The following GRM8 variants were observed in gnomAD, a reference collection of about 807,000 sequenced individuals.
GRM8 encodes the protein glutamate metabotropic receptor 8, also known as metabotropic glutamate receptor 8.
Under a neutral mutation model 87.2 loss-of-function variants are expected in GRM8, and 47 were observed. That is an observed-to-expected ratio of 0.54 (90% CI 0.43 to 0.69). The LOEUF is 0.69. Ranked by LOEUF, GRM8 falls within the 30% of genes least tolerant of loss-of-function variation. GRM8 has a pLI of 0.00. For missense variants in GRM8, 1,019 were observed against 1,139.2 expected (o/e 0.89, Z 1.52); for synonymous variants, 396 against 404.5 (o/e 0.98, Z 0.25).
In GRM8 at chr7:126,639,492, T is replaced by C. The variant is rs1802171300; in HGVS notation, c.1358-29994A>G. Among the ~76,000 whole-genome samples the C allele has an allele frequency of 2.6e-5, 4 of 152,120 alleles. 1 individual carries two copies. In the South Asian group the frequency reaches 8.3e-4, roughly 32 times the overall value. On this transcript the variant is annotated intron_variant, in intron 7 of 10. Coordinates refer to ENST00000339582, the MANE Select transcript of GRM8 (RefSeq NM_000845.3). ...TCTCGGCTTCTTTGTACCTTTCTGA[T>C]AGTTTTCTTAATTTTCAGTCTCATT...
chr7:127,039,762 G>T lies in GRM8; in HGVS notation c.727+66734C>A, dbSNP rs1197595482. Among the ~76,000 whole-genome samples, 4 of 95,964 alleles carry T rather than the reference G, an allele frequency of 4.2e-5. No individual in the cohort carries two copies. The Admixed American group carries it at 4.3e-4, about 10-fold the overall frequency. The allele number at this position is 95,964 out of a possible 152,430, so 63.0% of individuals were successfully genotyped here. A position where few individuals can be genotyped will look rare whatever the true frequency, so the allele number is the denominator to read the frequency against. On this transcript the variant is annotated intron_variant, in intron 3 of 10. Transcript: ENST00000339582. Reference sequence around the variant, plus strand: ...AGGACAAGAGAGGGGAAGGAGAAGGGTAAGAGAGGGGAAGGGGAAGGGCAA... The same window carrying T: ...AGGACAAGAGAGGGGAAGGAGAAGGTTAAGAGAGGGGAAGGGGAAGGGCAA...
intron 6 of GRM8, among the ~76,000 whole-genome samples, chr7:126,816,362 G>A (rs2151751607): frequency 6.6e-6 from 1 of 152,070 alleles, no homozygotes; most frequent in Middle Eastern, 3.4e-3. Flanking sequence ...AACAAACTCT[G>A]AATAAATAGT....
intron 6 of GRM8, among the ~76,000 whole-genome samples, chr7:126,870,915 C>G (rs1459733867): frequency 1.3e-5 from 2 of 152,156 alleles, no homozygotes; most frequent in South Asian, 4.1e-4. Context: ...TAAAACAAGG[C>G]ATGCCTGTAG....
intron 3 of GRM8, among the ~76,000 whole-genome samples, chr7:126,986,110 C>T (rs1487508466): frequency 6.6e-6 from 1 of 152,018 alleles, no homozygotes; most frequent in Admixed American, 6.5e-5. Flanking sequence ...ACTTCCTGGG[C>T]TCAAGTGATC....
At chr7:126,704,913 T>C (rs1305633982) in intron 7 of GRM8, among the ~76,000 whole-genome samples, 1 of 152,150 alleles carries the variant, frequency 6.6e-6, no homozygotes, top group Non-Finnish European at 1.5e-5. Context: ...TGCCTTGTGA[T>C]AGTCTATTAC....
At chr7:126,505,853 G>C (rs1810380685) in intron 9 of GRM8, among the ~76,000 whole-genome samples, 1 of 151,916 alleles carries the variant, frequency 6.6e-6, no homozygotes, top group Non-Finnish European at 1.5e-5. Context: ...CCTGTGGTGA[G>C]AACACTTAAG....
chr7:126,681,994 GA>G (rs1391908835), intron 7 of GRM8, among the ~76,000 whole-genome samples: 1 of 151,900 alleles, frequency 6.6e-6, no homozygotes, highest in Non-Finnish European at 1.5e-5. Flanking sequence ...CCAATATATA[GA>G]AATAAATTAG....
intron 6 of GRM8, among the ~76,000 whole-genome samples, chr7:126,774,767 T>C (rs971035038): frequency 6.6e-6 from 1 of 152,126 alleles, no homozygotes; most frequent in African/African-American, 2.4e-5. Context: ...ATTGTATATG[T>C]TACAATGTAA....
At chr7:127,156,562 C>T (rs576801801) in intron 2 of GRM8, among the ~76,000 whole-genome samples, 1 of 152,234 alleles carries the variant, frequency 6.6e-6, no homozygotes, top group South Asian at 2.1e-4. Context: ...TGGGGCACTC[C>T]ATCACCCTCC....
At chr7:126,891,604 C>T (rs1172603603) in intron 6 of GRM8, among the ~76,000 whole-genome samples, 1 of 151,992 alleles carries the variant, frequency 6.6e-6, no homozygotes, top group African/African-American at 2.4e-5. Flanking sequence ...TTGTGCCACC[C>T]TCTGGTTAAA....
chr7:127,081,405 C>T (rs531812221), intron 3 of GRM8, among the ~76,000 whole-genome samples: 1 of 152,230 alleles, frequency 6.6e-6, no homozygotes, highest in Non-Finnish European at 1.5e-5. Flanking sequence ...CCTGGCATCA[C>T]CCCTACCCAG....
At chr7:126,510,576 C>T (rs1811192708) in intron 9 of GRM8, among the ~76,000 whole-genome samples, 1 of 20,034 alleles carries the variant, frequency 5.0e-5, no homozygotes, top group Non-Finnish European at 1.0e-4. Flanking sequence ...TTTCAAAGAA[C>T]CATGGTGGCT....
At chr7:126,439,803 T>C (rs990176575) in intron 10 of GRM8, among the ~76,000 whole-genome samples, 4 of 140,278 alleles carry the variant, frequency 2.9e-5, no homozygotes, top group Admixed American at 7.5e-5. Context: ...TTGATAATCC[T>C]GACCCTGTGG....
chr7:126,565,387 T>G (rs1012370005), intron 8 of GRM8, among the ~76,000 whole-genome samples: 14 of 152,114 alleles, frequency 9.2e-5, no homozygotes, highest in African/African-American at 2.7e-4. Flanking sequence ...AAAAATCAAT[T>G]GTATTGCTAT....
chr7:126,811,346 A>G (rs1586034376), intron 6 of GRM8, among the ~76,000 whole-genome samples: 3 of 145,026 alleles, frequency 2.1e-5, no homozygotes, highest in Admixed American at 2.1e-4. Context: ...GGTATTCGGG[A>G]TTTTTTTTTT....
chr7:126,580,575 G>A (rs1463053675), intron 8 of GRM8, among the ~76,000 whole-genome samples: 5 of 151,964 alleles, frequency 3.3e-5, no homozygotes, highest in African/African-American at 7.2e-5. Flanking sequence ...TCCATTTATC[G>A]GTATTCCTGA....
chr7:127,095,014 T>C (rs961133462), intron 3 of GRM8, among the ~76,000 whole-genome samples: 1 of 152,160 alleles, frequency 6.6e-6, no homozygotes, highest in Non-Finnish European at 1.5e-5. Flanking sequence ...AATGGCTTCA[T>C]GCATAGTCAA....
intron 8 of GRM8, among the ~76,000 whole-genome samples, chr7:126,580,749 C>T (rs574753639): frequency 3.9e-5 from 6 of 152,048 alleles, no homozygotes; most frequent in South Asian, 4.2e-4. Flanking sequence ...AAAGATCAAA[C>T]GAGTTAATAA....
intron 3 of GRM8, among the ~76,000 whole-genome samples, chr7:126,940,877 G>A (rs1418574854): frequency 6.6e-6 from 1 of 152,174 alleles, no homozygotes; most frequent in Non-Finnish European, 1.5e-5. Context: ...AGTGCCCACT[G>A]TGTAAGCAAT....
Sources: allele counts gnomAD v4.1 joint callset (sites outside exome capture counted in the v4.1 genomes callset), GRCh38; gene constraint gnomAD v4.1.1; transcripts MANE v1.5; gene names NCBI Gene and HGNC (gene_info 2026-07-23, HGNC 2026-07-21).